Variants in COL24A1 observed in about 807,000 individuals in gnomAD.
COL24A1 encodes the protein collagen type XXIV alpha 1 chain.
Under a neutral mutation model 253.9 loss-of-function variants are expected in COL24A1, and 224 were observed. The observed-to-expected ratio is 0.88, with a 90% CI of 0.79 to 0.99. The LOEUF is 0.99. COL24A1 is among the 50% of genes least tolerant of loss of function. The pLI is 0.00. For missense variants in COL24A1, 2,131 were observed against 2,068.5 expected (o/e 1.03, Z -0.59); for synonymous variants, 685 against 673.7 (o/e 1.02, Z -0.26).
intron 37 of COL24A1, among the ~76,000 whole-genome samples, chr1:85,867,642 A>G (rs1171287367): frequency 6.6e-6 from 1 of 152,212 alleles, no homozygotes; most frequent in Non-Finnish European, 1.5e-5. Context: ...GAAAAAGGGA[A>G]CAGTAAAATG....
chr1:85,799,971 G>T (rs991656132), intron 47 of COL24A1, among the ~76,000 whole-genome samples: 16 of 152,148 alleles, frequency 1.1e-4, no homozygotes, highest in African/African-American at 3.1e-4. Context: ...TAATCCATTT[G>T]TTTCTTTCAA....
intron 2 of COL24A1, among the ~76,000 whole-genome samples, chr1:86,130,671 T>C (rs7521933): frequency 0.66 from 100,106 of 151,598 alleles, 33,147 homozygotes; most frequent in Non-Finnish European, 0.71. Flanking sequence ...CATTCTTAAA[T>C]ATCCTTATAT....
chr1:86,013,904 T>G (rs917978961), intron 19 of COL24A1, among the ~76,000 whole-genome samples: 6 of 152,036 alleles, frequency 3.9e-5, no homozygotes, highest in African/African-American at 1.4e-4. Context: ...ACTCAGAAAT[T>G]ATTTTATTAG....
intron 10 of COL24A1, among the ~76,000 whole-genome samples, chr1:86,056,778 C>T (rs893651194): frequency 2.0e-5 from 3 of 150,676 alleles, no homozygotes; most frequent in African/African-American, 7.3e-5. Context: ...CGCTTGGACC[C>T]GGGAGGCAGA....
chr1:86,152,055 T>C (rs1297648639), intron 1 of COL24A1, among the ~76,000 whole-genome samples: 1 of 152,154 alleles, frequency 6.6e-6, no homozygotes, highest in Admixed American at 6.5e-5. Context: ...GATCGAGAAA[T>C]AGTAAAATTT....
At chr1:85,829,601 T>G (rs1459829104) in intron 43 of COL24A1, among the ~76,000 whole-genome samples, 1 of 152,008 alleles carries the variant, frequency 6.6e-6, no homozygotes, top group Non-Finnish European at 1.5e-5. Context: ...GCCCCATATT[T>G]CTTGGAGGCT....
At chr1:85,812,497 T>C (rs148775017) in intron 47 of COL24A1, among the ~76,000 whole-genome samples, 81 of 152,240 alleles carry the variant, frequency 5.3e-4, no homozygotes, top group Admixed American at 5.2e-4. Flanking sequence ...GCAATACATA[T>C]AGTTAGAAGG....
At chr1:85,901,357 T>C in intron 28 of COL24A1, among the ~76,000 whole-genome samples, 1 of 152,074 alleles carries the variant, frequency 6.6e-6, no homozygotes, top group East Asian at 1.9e-4. Flanking sequence ...TAAGATATCA[T>C]CATATCACAG....
intron 43 of COL24A1, among the ~76,000 whole-genome samples, chr1:85,824,237 C>T (rs1673973011): frequency 6.6e-6 from 1 of 152,148 alleles, no homozygotes; most frequent in Non-Finnish European, 1.5e-5. Context: ...CATAGGAATG[C>T]TGACAGCCAC....
Position 86,050,123 on chromosome 1 carries a change from C to CAA in COL24A1, c.1905_1905+1insTT (p.Gly636LeufsTer37), listed in dbSNP as rs1700195253. 6.2e-7 allele frequency: 1 copy of CAA among 1,612,602 alleles called. No homozygotes were observed. The highest frequency in any genetic ancestry group is 1.7e-5 in the Admixed American group (1 of 59,984). On this transcript the variant is annotated frameshift_variant and splice_region_variant. Transcript: ENST00000370571. LOFTEE classifies it high-confidence loss of function. Reference sequence around the variant, plus strand: ...ATACTATTTGAAGGGAATGGACTTACCCGTTCTCCTTCAGGTCCCAGTTGT... The same window carrying CAA: ...ATACTATTTGAAGGGAATGGACTTACAACCGTTCTCCTTCAGGTCCCAGTTGT...
At chr1:85,921,075 G>A (rs1322945485) in intron 24 of COL24A1, among the ~76,000 whole-genome samples, 1 of 152,150 alleles carries the variant, frequency 6.6e-6, no homozygotes, top group East Asian at 1.9e-4. Context: ...CATCTCATTG[G>A]GACTGGTTGG....
intron 24 of COL24A1, among the ~76,000 whole-genome samples, chr1:85,953,321 T>C (rs182932105): frequency 1.3e-3 from 204 of 152,232 alleles, no homozygotes; most frequent in Admixed American, 3.1e-3. Flanking sequence ...CTTTATAATA[T>C]CCCTACCTAA....
At chr1:85,997,738 G>A (rs1336063433) in intron 19 of COL24A1, among the ~76,000 whole-genome samples, 4 of 149,070 alleles carry the variant, frequency 2.7e-5, no homozygotes, top group African/African-American at 7.4e-5. Flanking sequence ...CCAAGATCGC[G>A]CCACTGCACT....
At chr1:86,038,325 A>C (rs1481531709) in intron 12 of COL24A1, among the ~76,000 whole-genome samples, 2 of 152,152 alleles carry the variant, frequency 1.3e-5, no homozygotes, top group Non-Finnish European at 2.9e-5. Flanking sequence ...CTGAGAGAAA[A>C]ATTAGATAAT....
At chr1:85,764,156 G>A (rs970100026) in intron 53 of COL24A1, among the ~76,000 whole-genome samples, 18 of 152,112 alleles carry the variant, frequency 1.2e-4, no homozygotes, top group African/African-American at 3.6e-4. Flanking sequence ...AAACTGAGGA[G>A]CTTCCATTGT....
intron 31 of COL24A1, among the ~76,000 whole-genome samples, chr1:85,893,002 T>A (rs531703813): frequency 1.1e-4 from 17 of 152,170 alleles, no homozygotes; most frequent in Non-Finnish European, 1.9e-4. Flanking sequence ...TCTAACCACA[T>A]CAATTACGTA....
intron 14 of COL24A1, among the ~76,000 whole-genome samples, chr1:86,024,511 A>T (rs1221680515): frequency 6.6e-6 from 1 of 152,192 alleles, no homozygotes; most frequent in Non-Finnish European, 1.5e-5. Flanking sequence ...GGAAAATAAG[A>T]CATCATATGG....
At chr1:85,835,401 A>G (rs1471657387) in intron 43 of COL24A1, among the ~76,000 whole-genome samples, 1 of 152,158 alleles carries the variant, frequency 6.6e-6, no homozygotes, top group East Asian at 1.9e-4. Flanking sequence ...AAGTGCTGGG[A>G]TTACAGGTGT....
intron 2 of COL24A1, among the ~76,000 whole-genome samples, chr1:86,130,876 G>C (rs1269370465): frequency 6.6e-6 from 1 of 151,860 alleles, no homozygotes; most frequent in Non-Finnish European, 1.5e-5. Flanking sequence ...TTGACAAATA[G>C]AGCCAGACTT....
Sources: allele counts gnomAD v4.1 joint callset (sites outside exome capture counted in the v4.1 genomes callset), GRCh38; gene constraint gnomAD v4.1.1; transcripts MANE v1.5; gene names NCBI Gene and HGNC (gene_info 2026-07-23, HGNC 2026-07-21).